Variants in PLCB4 observed in about 807,000 individuals in gnomAD.
The protein encoded by PLCB4 is 1-phosphatidylinositol 4,5-bisphosphate phosphodiesterase beta-4.
In PLCB4, 77 loss-of-function variants were observed where a neutral mutation model predicts 178.8. The ratio of observed to expected loss-of-function variants is 0.43; its 90% CI spans 0.36 to 0.52. PLCB4 has a LOEUF of 0.52. Among genes scored for constraint, PLCB4 ranks in the 20% least tolerant of loss-of-function variants. The probability of loss-of-function intolerance (pLI) is 0.00; values close to 1 mark genes in which losing one functional copy is unlikely to be tolerated. For missense variants in PLCB4, 1,024 were observed against 1,453.4 expected, an observed-to-expected ratio of 0.70 and a Z score of 4.80; for synonymous variants, 496 against 490.8, an observed-to-expected ratio of 1.01 and a Z score of -0.14.
rs1266033173 is a variant in PLCB4, at chr20:9,479,920, C to T, written c.*911C>T. ...AAAGACTAATCCATACACAGTTAAC[C>T]TAATGCCAAATAAATACTGGTTAAA... is the stretch of plus-strand genomic sequence containing the variant. On this transcript the variant is annotated 3_prime_UTR_variant, in exon 40 of 40. Transcript: ENST00000378473. The T allele has an allele frequency of 6.6e-6, 1 of 152,320 alleles. No homozygotes were observed. Among genetic ancestry groups the T allele is most frequent in the Non-Finnish European group, 1.5e-5 (1 of 68,020 alleles). The allele number at this position is 152,320 out of a possible 1,614,324, so 9.4% of individuals were successfully genotyped here.
At chr20:9,098,112 G>A (rs1322799891) in intron 2 of PLCB4, among the ~76,000 whole-genome samples, 1 of 152,038 alleles carries the variant, frequency 6.6e-6, no homozygotes, top group Non-Finnish European at 1.5e-5. Context: ...TTAAATAAAT[G>A]TTTTCTTTTT....
At chr20:9,453,597 A>G in intron 33 of PLCB4, 135 bp downstream of exon 33, 1 of 595,118 alleles carries the variant, frequency 1.7e-6, no homozygotes, top group East Asian at 2.8e-5. Context: ...ATTCCTGGGA[A>G]GTAAGAAACT....
intron 2 of PLCB4, among the ~76,000 whole-genome samples, chr20:9,133,192 G>T (rs1227810451): frequency 6.6e-6 from 1 of 152,072 alleles, no homozygotes; most frequent in Non-Finnish European, 1.5e-5. Context: ...TGCTTATGTT[G>T]TTCTCATAGT....
intron 30 of PLCB4, among the ~76,000 whole-genome samples, chr20:9,441,573 C>T (rs750368363): frequency 6.6e-5 from 10 of 152,148 alleles, no homozygotes; most frequent in Non-Finnish European, 1.5e-4. Flanking sequence ...AAGCCAGTTG[C>T]CAGTAGGCAC....
intron 5 of PLCB4, among the ~76,000 whole-genome samples, chr20:9,337,520 GA>G (rs749487931): frequency 1.3e-5 from 2 of 152,184 alleles, no homozygotes; most frequent in African/African-American, 4.8e-5. Flanking sequence ...TCTGCCAGAA[GA>G]AGAGATGCTC....
chr20:9,462,120 C>T (rs1232235386), intron 35 of PLCB4, among the ~76,000 whole-genome samples: 1 of 152,192 alleles, frequency 6.6e-6, no homozygotes, highest in Non-Finnish European at 1.5e-5. Flanking sequence ...CCCAGGCAAA[C>T]AGGGTCTGGA....
chr20:9,452,652 A>T (rs1372940300), intron 32 of PLCB4, among the ~76,000 whole-genome samples: 1 of 152,240 alleles, frequency 6.6e-6, no homozygotes, highest in Non-Finnish European at 1.5e-5. Flanking sequence ...TTTCCAAAGC[A>T]TTGCAGCCCC....
chr20:9,115,367 T>C (rs1252814171), intron 2 of PLCB4, among the ~76,000 whole-genome samples: 1 of 151,980 alleles, frequency 6.6e-6, no homozygotes, highest in Admixed American at 6.6e-5. Context: ...TCCCTATATA[T>C]TATTTAATAA....
At chr20:9,424,001 T>G in intron 28 of PLCB4, 49 bp downstream of exon 28, 1 of 1,143,942 alleles carries the variant, frequency 8.7e-7, no homozygotes, top group Non-Finnish European at 1.3e-6. Flanking sequence ...AGGTCCTAGA[T>G]TATAAGATTA....
intron 3 of PLCB4, among the ~76,000 whole-genome samples, chr20:9,286,365 G>A (rs1231996962): frequency 6.6e-6 from 1 of 151,992 alleles, no homozygotes; most frequent in East Asian, 1.9e-4. Flanking sequence ...ATCATATGAG[G>A]AGGTGGTTAT....
chr20:9,341,592 T>G (rs1051458787), intron 7 of PLCB4, among the ~76,000 whole-genome samples: 4 of 151,998 alleles, frequency 2.6e-5, no homozygotes, highest in African/African-American at 7.2e-5. Flanking sequence ...GAGGTTGGTC[T>G]TGGTGTCTCA....
chr20:9,152,942 G>A (rs2092716231), intron 2 of PLCB4, among the ~76,000 whole-genome samples: 1 of 152,212 alleles, frequency 6.6e-6, no homozygotes, highest in Non-Finnish European at 1.5e-5. Context: ...CTGGGTGTGA[G>A]ACCTGGAGTC....
chr20:9,285,509 T>A (rs2147726098), intron 3 of PLCB4, among the ~76,000 whole-genome samples: 1 of 152,124 alleles, frequency 6.6e-6, no homozygotes, highest in Non-Finnish European at 1.5e-5. Flanking sequence ...CCCTCTTTTA[T>A]GATAAATTGA....
chr20:9,380,249 A>T, intron 13 of PLCB4, 87 bp downstream of exon 13: 1 of 661,594 alleles, frequency 1.5e-6, no homozygotes, highest in Non-Finnish European at 2.6e-6. Context: ...GTATCTGTAA[A>T]TGCTTTGCAA....
At chr20:9,188,904 C>G (rs1362862769) in intron 2 of PLCB4, among the ~76,000 whole-genome samples, 1 of 66,776 alleles carries the variant, frequency 1.5e-5, no homozygotes, top group African/African-American at 1.0e-4. Flanking sequence ...GGAGGGCTGT[C>G]ATATAGTGAC....
At chr20:9,339,153 C>A in intron 7 of PLCB4, 116 bp downstream of exon 7, 2 of 793,194 alleles carry the variant, frequency 2.5e-6, no homozygotes, top group Non-Finnish European at 3.9e-6. Flanking sequence ...TAAAAGTTAG[C>A]ATTGCTTTGC....
At chr20:9,271,559 C>G (rs2094402358) in intron 3 of PLCB4, among the ~76,000 whole-genome samples, 1 of 152,122 alleles carries the variant, frequency 6.6e-6, no homozygotes, top group Non-Finnish European at 1.5e-5. Context: ...ATTTTTTATA[C>G]ATGAATTATG....
intron 4 of PLCB4, among the ~76,000 whole-genome samples, chr20:9,319,997 G>A (rs1209445576): frequency 1.3e-5 from 2 of 152,180 alleles, no homozygotes; most frequent in Non-Finnish European, 2.9e-5. Flanking sequence ...TCCTGATCTA[G>A]ACCCTAAGAG....
rs1235790551 is a variant in PLCB4, at chr20:9,380,124, T to C, written c.815T>C (p.Ile272Thr). 1 of 1,587,590 alleles carries C rather than the reference T, an allele frequency of 6.3e-7. No homozygotes were observed. Among genetic ancestry groups the C allele is most frequent in the Admixed American group, 1.7e-5 (1 of 58,858 alleles). ...FYDAKRAMQIIEMYEPDEDLK... is the reference protein window; with the variant it reads ...FYDAKRAMQITEMYEPDEDLK... ...GATGCCAAAAGGGCAATGCAGATCATTGAGATGTATGAACCTGATGAAGAT... is the reference window on the plus strand; with the variant it reads ...GATGCCAAAAGGGCAATGCAGATCACTGAGATGTATGAACCTGATGAAGAT... Residue 272 changes from isoleucine (I) to threonine (T), a missense_variant, in exon 13 of 40, where the codon ATT becomes ACT. Ile to Thr is a moderately conservative substitution (Grantham distance 89, BLOSUM62 -1). Transcript: ENST00000378473.
Sources: gnomAD v4.1 joint callset for allele counts (sites outside exome capture counted in the v4.1 genomes callset) on GRCh38, gnomAD v4.1.1 for gene constraint, MANE v1.5 for transcripts, NCBI Gene and HGNC (gene_info 2026-07-23, HGNC 2026-07-21) for gene names.